Variants in PEAK1 observed in about 807,000 individuals in gnomAD.
PEAK1 encodes inactive tyrosine-protein kinase PEAK1.
PEAK1 carries 54 observed loss-of-function variants against 124.7 expected under a neutral mutation model. That is an observed-to-expected ratio of 0.43 (90% confidence interval 0.35 to 0.54). The LOEUF is 0.54. PEAK1 is among the 20% of genes least tolerant of loss of function. The pLI is 0.01. For synonymous variants in PEAK1, 719 were observed against 760.0 expected (o/e 0.95, Z 0.89); for missense variants, 2,046 against 2,134.5 (o/e 0.96, Z 0.82).
chr15:77,416,127 T>G (rs1372398259), intron 1 of PEAK1, among the ~76,000 whole-genome samples: 5 of 152,234 alleles, frequency 3.3e-5, no homozygotes, highest in Non-Finnish European at 7.3e-5. Flanking sequence ...TTTATCTTAC[T>G]TTTCCTTTTG....
At chr15:77,202,274 G>A (rs897574177) in intron 6 of PEAK1, among the ~76,000 whole-genome samples, 1 of 152,138 alleles carries the variant, frequency 6.6e-6, no homozygotes, top group East Asian at 1.9e-4. Context: ...TGGGTTAGGA[G>A]TGCCGACCCC....
At chr15:77,384,760 A>G (rs1268847197) in intron 1 of PEAK1, among the ~76,000 whole-genome samples, 1 of 152,196 alleles carries the variant, frequency 6.6e-6, no homozygotes, top group African/African-American at 2.4e-5. Context: ...CACCAGATCC[A>G]TTTAGGATTC....
intron 6 of PEAK1, among the ~76,000 whole-genome samples, chr15:77,236,213 G>T (rs2060115183): frequency 6.6e-6 from 1 of 152,230 alleles, no homozygotes; most frequent in Admixed American, 6.5e-5. Context: ...AGCTTGCACT[G>T]TGCGTCTGGA....
intron 6 of PEAK1, among the ~76,000 whole-genome samples, chr15:77,194,358 T>C (rs1314024661): frequency 6.6e-6 from 1 of 152,214 alleles, no homozygotes; most frequent in Non-Finnish European, 1.5e-5. Context: ...AGCCATTAAT[T>C]GTTCTCAGTT....
At chr15:77,293,048 C>G (rs567526195) in intron 2 of PEAK1, among the ~76,000 whole-genome samples, 2 of 152,158 alleles carry the variant, frequency 1.3e-5, no homozygotes, top group African/African-American at 4.8e-5. Context: ...CTGGCATCAT[C>G]ACATCTATTC....
At chr15:77,130,854 A>G (rs1229802635) in intron 9 of PEAK1, among the ~76,000 whole-genome samples, 1 of 152,244 alleles carries the variant, frequency 6.6e-6, no homozygotes. Flanking sequence ...CCTAGGGAAG[A>G]AGCTAGTGGC....
chr15:77,118,220 T>C (rs935537793), intron 9 of PEAK1, among the ~76,000 whole-genome samples: 3 of 151,718 alleles, frequency 2.0e-5, no homozygotes, highest in African/African-American at 7.3e-5. Context: ...GGAAAAAGAG[T>C]GATTTTACTT....
At chr15:77,216,964 G>C (rs2059174888) in intron 6 of PEAK1, among the ~76,000 whole-genome samples, 1 of 152,090 alleles carries the variant, frequency 6.6e-6, no homozygotes, top group Non-Finnish European at 1.5e-5. Flanking sequence ...GCAGGGTGCG[G>C]GGGCTCACAC....
chr15:77,299,992 T>C (rs1255641727), intron 2 of PEAK1, among the ~76,000 whole-genome samples: 1 of 152,202 alleles, frequency 6.6e-6, no homozygotes, highest in Non-Finnish European at 1.5e-5. Flanking sequence ...GGCTTCTGCA[T>C]CCTTTAGATA....
intron 1 of PEAK1, among the ~76,000 whole-genome samples, chr15:77,390,777 A>G (rs1327361797): frequency 6.6e-6 from 1 of 152,196 alleles, no homozygotes; most frequent in African/African-American, 2.4e-5. Flanking sequence ...AATTTGCTGA[A>G]GATCACAAAT....
chr15:77,260,548 C>G (rs577559007), intron 5 of PEAK1, among the ~76,000 whole-genome samples: 84 of 151,784 alleles, frequency 5.5e-4, no homozygotes, highest in Non-Finnish European at 1.1e-3. Context: ...ATAATGGTGA[C>G]AGAAATAGAG....
chr15:77,298,994 C>T lies in PEAK1; in HGVS notation c.-602-12490G>A, dbSNP rs117637728. Among the ~76,000 whole-genome samples the T allele has an allele frequency of 7.9e-3, 1,198 of 152,248 alleles. 4 individuals carry two copies. The highest frequency in any genetic ancestry group is 0.011 in the Non-Finnish European group (746 of 68,014). Reference sequence around the variant, plus strand: ...CTAGTTGGCCCTCTGCCCTCTAATCCCTGTGAGACCCAGCTGGATGCTAAA... The same window carrying T: ...CTAGTTGGCCCTCTGCCCTCTAATCTCTGTGAGACCCAGCTGGATGCTAAA... On this transcript the variant is annotated intron_variant, in intron 2 of 9. Transcript: ENST00000682557.
At chr15:77,129,601 A>T (rs75323552) in intron 9 of PEAK1, among the ~76,000 whole-genome samples, 31,665 of 139,342 alleles carry the variant, frequency 0.23, 3,981 homozygotes, top group Middle Eastern at 0.32. Flanking sequence ...ATGACTGGCT[A>T]TTTTTTTTTT....
At chr15:77,194,503 T>C (rs2058011965) in intron 6 of PEAK1, among the ~76,000 whole-genome samples, 1 of 152,302 alleles carries the variant, frequency 6.6e-6, no homozygotes, top group African/African-American at 2.4e-5. Flanking sequence ...ATCCTATAGA[T>C]CTTTTGATCC....
At chr15:77,289,553 C>T (rs1434261530) in intron 2 of PEAK1, among the ~76,000 whole-genome samples, 3 of 152,104 alleles carry the variant, frequency 2.0e-5, no homozygotes, top group South Asian at 2.1e-4. Flanking sequence ...CTTAAATACA[C>T]GACCGGGTGC....
At chr15:77,334,875 C>T (rs2066101864) in intron 2 of PEAK1, 1 of 985,282 alleles carries the variant, frequency 1.0e-6, no homozygotes, top group Admixed American at 6.1e-5. Context: ...CCTTCAGAAT[C>T]CTGTCAGATT....
At chr15:77,413,782 T>C (rs1013456498) in intron 1 of PEAK1, among the ~76,000 whole-genome samples, 4 of 152,190 alleles carry the variant, frequency 2.6e-5, no homozygotes, top group African/African-American at 9.6e-5. Flanking sequence ...ATGTAGGATG[T>C]TAACATTAGA....
intron 2 of PEAK1, chr15:77,350,099 C>A: frequency 1.0e-6 from 1 of 985,240 alleles, no homozygotes; most frequent in Middle Eastern, 5.2e-4. Context: ...AAGAGCATAC[C>A]CCCAAATAGG....
At chr15:77,287,178 C>T (rs1350200623) in intron 2 of PEAK1, among the ~76,000 whole-genome samples, 1 of 152,132 alleles carries the variant, frequency 6.6e-6, no homozygotes, top group Admixed American at 6.5e-5. Flanking sequence ...TGTTCAACTA[C>T]CATATTAATC....
Sources: gnomAD v4.1 joint callset for allele counts (sites outside exome capture counted in the v4.1 genomes callset) on GRCh38, gnomAD v4.1.1 for gene constraint, MANE v1.5 for transcripts, NCBI Gene and HGNC (gene_info 2026-07-23, HGNC 2026-07-21) for gene names.